Variants in CLSTN2 observed in about 807,000 individuals in gnomAD.
CLSTN2 encodes the protein calsyntenin 2.
A neutral mutation model predicts 101.2 loss-of-function variants in CLSTN2; 48 were observed. That is an observed-to-expected ratio of 0.47 (90% confidence interval 0.38 to 0.60). The LOEUF is 0.60. Ranked by LOEUF, CLSTN2 falls within the 20% of genes least tolerant of loss-of-function variation. CLSTN2 has a pLI of 0.00. For synonymous variants in CLSTN2, 481 were observed against 463.6 expected (o/e 1.04, Z -0.48); for missense variants, 1,160 against 1,238.2 (o/e 0.94, Z 0.95).
chr3:139,994,090 ATAGT>A (rs372681132), intron 1 of CLSTN2, among the ~76,000 whole-genome samples: 42 of 152,226 alleles, frequency 2.8e-4, no homozygotes, highest in African/African-American at 1.0e-3. Flanking sequence ...CCCAGGGATG[ATAGT>A]TCTGCTCTTC....
At position 140,505,423 on chromosome 3, in the gene CLSTN2, T is replaced by G. The variant is rs146565946; in HGVS notation, c.1345-26901T>G. Among the ~76,000 whole-genome samples the G allele has an allele frequency of 2.4e-4, 37 of 152,246 alleles. No individual in the cohort carries two copies. The South Asian group carries it at 2.7e-3, about 11-fold the overall frequency. Reference sequence around the variant, plus strand: ...AATCAGATACACACACAGGCAGCCATGTGGTTGAAGGAGAGTCCCGTTACC... The same window carrying G: ...AATCAGATACACACACAGGCAGCCAGGTGGTTGAAGGAGAGTCCCGTTACC... On this transcript the variant is annotated intron_variant, in intron 8 of 16. Coordinates refer to ENST00000458420, the MANE Select transcript of CLSTN2 (RefSeq NM_022131.3).
chr3:140,471,646 T>C (rs1933851241), intron 8 of CLSTN2, among the ~76,000 whole-genome samples: 1 of 152,132 alleles, frequency 6.6e-6, no homozygotes, highest in Non-Finnish European at 1.5e-5. Context: ...TTTGCAAGAA[T>C]CCCAAACTCT....
chr3:140,422,617 G>A (rs1477641721), intron 5 of CLSTN2, among the ~76,000 whole-genome samples: 1 of 152,158 alleles, frequency 6.6e-6, no homozygotes, highest in Non-Finnish European at 1.5e-5. Flanking sequence ...CACAGGTAAG[G>A]CACATGAGAG....
intron 2 of CLSTN2, among the ~76,000 whole-genome samples, chr3:140,303,346 G>A (rs2087078450): frequency 1.3e-5 from 2 of 152,184 alleles, no homozygotes; most frequent in African/African-American, 2.4e-5. Flanking sequence ...GGAATGCACA[G>A]TAGTTGCTCA....
chr3:139,973,182 G>A (rs1935745500), intron 1 of CLSTN2, among the ~76,000 whole-genome samples: 1 of 152,226 alleles, frequency 6.6e-6, no homozygotes, highest in South Asian at 2.1e-4. Context: ...GGCTCTGGCA[G>A]GAGCGTGATC....
Position 140,329,595 on chromosome 3 carries a change from T to TA in CLSTN2, c.233-74023dup, listed in dbSNP as rs992554920. 8.6e-4 allele frequency among the ~76,000 whole-genome samples: 128 copies of TA among 149,452 alleles called. 1 individual carries two copies. The highest frequency in any genetic ancestry group is 2.2e-3 in the East Asian group (11 of 5,114). On this transcript the variant is annotated intron_variant, in intron 2 of 16. Coordinates refer to ENST00000458420, the MANE Select transcript of CLSTN2 (RefSeq NM_022131.3). Reference sequence around the variant, plus strand: ...TAAATGCATGTGACACATCTTGAATTAAAAAAAAAAATTCATCCTAACTTT... The same window carrying TA: ...TAAATGCATGTGACACATCTTGAATTAAAAAAAAAAAATTCATCCTAACTTT...
chr3:140,138,651 C>G (rs914772970), intron 1 of CLSTN2, among the ~76,000 whole-genome samples: 7 of 152,180 alleles, frequency 4.6e-5, no homozygotes, highest in African/African-American at 1.7e-4. Flanking sequence ...TGGACACTCC[C>G]TTACTGGGTT....
chr3:140,497,188 G>T lies in CLSTN2; in HGVS notation c.1344+30457G>T, dbSNP rs184465862. ...GGGGTAAGCCTTCCTCGTGCAGATA[G>T]CTTGGACTCTCCAGAGCCAGCAGGC... is the stretch of plus-strand genomic sequence containing the variant. On this transcript the variant is annotated intron_variant, in intron 8 of 16. Coordinates refer to ENST00000458420, the MANE Select transcript of CLSTN2 (RefSeq NM_022131.3). 9.1e-3 allele frequency among the ~76,000 whole-genome samples: 1,384 copies of T among 152,154 alleles called. 24 individuals are homozygous for T. Among genetic ancestry groups the T allele is most frequent in the African/African-American group, 0.031 (1,296 of 41,490 alleles).
chr3:140,307,954 AG>A (rs2087130756), intron 2 of CLSTN2, among the ~76,000 whole-genome samples: 1 of 152,232 alleles, frequency 6.6e-6, no homozygotes, highest in African/African-American at 2.4e-5. Flanking sequence ...TCCTTTTAAC[AG>A]GGTCTGTAGA....
chr3:140,274,305 C>T (rs917659947), intron 2 of CLSTN2, among the ~76,000 whole-genome samples: 1 of 152,108 alleles, frequency 6.6e-6, no homozygotes, highest in Non-Finnish European at 1.5e-5. Context: ...CTGGGAAGAG[C>T]TCTGACTGAG....
chr3:140,109,587 T>G (rs2009119077), intron 1 of CLSTN2, among the ~76,000 whole-genome samples: 1 of 152,188 alleles, frequency 6.6e-6, no homozygotes, highest in Non-Finnish European at 1.5e-5. Flanking sequence ...AAAGCTATTT[T>G]GAGCTTTGGA....
intron 9 of CLSTN2, among the ~76,000 whole-genome samples, chr3:140,535,691 A>G (rs1004584773): frequency 2.0e-5 from 3 of 152,238 alleles, no homozygotes; most frequent in African/African-American, 7.2e-5. Flanking sequence ...CTTTATACAC[A>G]TGGGGTGTTC....
chr3:140,242,115 C>G (rs1576481022), intron 2 of CLSTN2, among the ~76,000 whole-genome samples: 1 of 151,920 alleles, frequency 6.6e-6, no homozygotes, highest in South Asian at 2.1e-4. Flanking sequence ...TTTCACCATG[C>G]TGGCCAGGCT....
chr3:140,463,618 C>T (rs918003500), intron 7 of CLSTN2, among the ~76,000 whole-genome samples: 1 of 152,322 alleles, frequency 6.6e-6, no homozygotes, highest in Admixed American at 6.5e-5. Flanking sequence ...AAAGGCCTGA[C>T]TCATGTCAAG....
At chr3:140,393,634 T>C (rs1470312780) in intron 2 of CLSTN2, among the ~76,000 whole-genome samples, 1 of 152,178 alleles carries the variant, frequency 6.6e-6, no homozygotes, top group Non-Finnish European at 1.5e-5. Flanking sequence ...TGTTTCAATG[T>C]CTATTATTTT....
chr3:140,029,485 T>A (rs2007502164), intron 1 of CLSTN2, among the ~76,000 whole-genome samples: 1 of 152,206 alleles, frequency 6.6e-6, no homozygotes, highest in Non-Finnish European at 1.5e-5. Context: ...CTGCAAGACC[T>A]GAGTCCCACA....
At chr3:140,216,067 C>T (rs2010916672) in intron 2 of CLSTN2, among the ~76,000 whole-genome samples, 1 of 152,166 alleles carries the variant, frequency 6.6e-6, no homozygotes, top group African/African-American at 2.4e-5. Context: ...CTGAGCGCCA[C>T]TTCCTGCCAG....
intron 1 of CLSTN2, among the ~76,000 whole-genome samples, chr3:140,172,487 C>G (rs906677816): frequency 6.6e-6 from 1 of 152,124 alleles, no homozygotes; most frequent in African/African-American, 2.4e-5. Flanking sequence ...AAACTCCTGG[C>G]ACAGTCTTAT....
chr3:139,963,760 C>T (rs191766720), intron 1 of CLSTN2, among the ~76,000 whole-genome samples: 2 of 152,292 alleles, frequency 1.3e-5, no homozygotes, highest in Admixed American at 6.5e-5. Flanking sequence ...ATCCAGGAGA[C>T]CTGTGGTGAG....
Sources: gnomAD v4.1 joint callset for allele counts (sites outside exome capture counted in the v4.1 genomes callset) on GRCh38, gnomAD v4.1.1 for gene constraint, MANE v1.5 for transcripts, NCBI Gene and HGNC (gene_info 2026-07-23, HGNC 2026-07-21) for gene names.